Variants in CCDC88C observed in about 807,000 individuals in gnomAD.
CCDC88C encodes the protein coiled-coil and HOOK domain protein 88C.
Under a neutral mutation model 198.8 loss-of-function variants are expected in CCDC88C, and 131 were observed. The ratio of observed to expected loss-of-function variants is 0.66; its 90% confidence interval spans 0.57 to 0.76. CCDC88C has a LOEUF of 0.76. Ranked by LOEUF, CCDC88C falls within the 30% of genes least tolerant of loss-of-function variation. The pLI, the probability that CCDC88C is intolerant of heterozygous loss-of-function variation, is 0.00. For missense variants in CCDC88C, 2,553 were observed against 2,631.6 expected (o/e 0.97, Z 0.65); for synonymous variants, 1,166 against 1,114.7 (o/e 1.05, Z -0.92).
At chr14:91,292,702 G>A (rs974625551) in intron 23 of CCDC88C, among the ~76,000 whole-genome samples, 4 of 151,952 alleles carry the variant, frequency 2.6e-5, no homozygotes, top group Non-Finnish European at 4.4e-5. Context: ...ATGCCTGCCC[G>A]GACGCCAATA....
chr14:91,411,519 C>A (rs928873332), intron 2 of CCDC88C, among the ~76,000 whole-genome samples: 4 of 152,086 alleles, frequency 2.6e-5, no homozygotes, highest in African/African-American at 7.2e-5. Context: ...TATGATAGTC[C>A]TAAAACTTAA....
At chr14:91,368,425 G>A (rs901311459) in intron 3 of CCDC88C, among the ~76,000 whole-genome samples, 4 of 152,238 alleles carry the variant, frequency 2.6e-5, no homozygotes, top group Non-Finnish European at 5.9e-5. Flanking sequence ...ACATTCCAAA[G>A]TGAACTGGTA....
chr14:91,283,360 G>T lies in CCDC88C; in HGVS notation c.4599C>A (p.Thr1533=). The T allele has an allele frequency of 6.2e-7, 1 of 1,613,818 alleles. No homozygotes were observed. The highest frequency in any genetic ancestry group is 8.5e-7 in the Non-Finnish European group (1 of 1,179,874). ...SATTTAPSNS[T]PIARHPGRTK... ...TGCGGCCTGGGTGCCGGGCGATGGGGGTGGAGTTGGAAGGGGCTGTAGTGG... is the reference window on the plus strand; with the variant it reads ...TGCGGCCTGGGTGCCGGGCGATGGGTGTGGAGTTGGAAGGGGCTGTAGTGG... Residue 1533 remains threonine, a synonymous_variant, in exon 26 of 30, where the codon ACC becomes ACA. Coordinates refer to ENST00000389857, the MANE Select transcript of CCDC88C (RefSeq NM_001080414.4).
At chr14:91,399,021 C>G (rs1463882169) in intron 3 of CCDC88C, among the ~76,000 whole-genome samples, 2 of 152,302 alleles carry the variant, frequency 1.3e-5, no homozygotes, top group South Asian at 2.1e-4. Flanking sequence ...GGGTTCTCCT[C>G]TCTGCGGACC....
intron 3 of CCDC88C, among the ~76,000 whole-genome samples, chr14:91,405,054 T>C (rs2140007673): frequency 6.6e-6 from 1 of 152,096 alleles, no homozygotes. Flanking sequence ...GCGGAGAATC[T>C]GCCTTAGACC....
At chr14:91,370,206 T>C (rs886567226) in intron 3 of CCDC88C, among the ~76,000 whole-genome samples, 2 of 152,164 alleles carry the variant, frequency 1.3e-5, no homozygotes, top group Admixed American at 6.5e-5. Flanking sequence ...CCCTCATCTG[T>C]ACCAGGATCA....
At chr14:91,296,963 C>T (rs1162891469) in intron 22 of CCDC88C, among the ~76,000 whole-genome samples, 1 of 152,210 alleles carries the variant, frequency 6.6e-6, no homozygotes, top group Non-Finnish European at 1.5e-5. Flanking sequence ...CACACCACTT[C>T]TCTAGGACAG....
intron 3 of CCDC88C, 47 bp downstream of exon 3, chr14:91,408,609 CGAT>C (rs777916639): frequency 8.6e-7 from 1 of 1,169,484 alleles, no homozygotes; most frequent in Non-Finnish European, 1.3e-6. Context: ...GTGACAGTGA[CGAT>C]ACTGATGGAC....
chr14:91,309,907 C>T lies in CCDC88C; in HGVS notation c.2816G>A (p.Gly939Asp). 1 of 1,610,956 alleles carries T rather than the reference C, an allele frequency of 6.2e-7. No homozygotes were observed. ...DKLSQELEKV[G>D]LNRELLLQED... ...CTGCAACAGCAGCTCCCTGTTGAGG[C>T]CGACCTTCTCCAGTTCCTGGCTCAG... The change falls in exon 16 of 30, where the codon GGC (glycine) becomes GAC (aspartate). Residue 939 changes from glycine to aspartate, a missense_variant. Coordinates refer to ENST00000389857, the MANE Select transcript of CCDC88C (RefSeq NM_001080414.4).
intron 20 of CCDC88C, among the ~76,000 whole-genome samples, chr14:91,302,522 A>T (rs141618698): frequency 6.6e-6 from 1 of 152,336 alleles, no homozygotes; most frequent in Non-Finnish European, 1.5e-5. Context: ...ACAGAATCCC[A>T]GCCCAGATTG....
At chr14:91,364,750 A>G (rs564651274) in intron 3 of CCDC88C, among the ~76,000 whole-genome samples, 1 of 152,302 alleles carries the variant, frequency 6.6e-6, no homozygotes, top group African/African-American at 2.4e-5. Flanking sequence ...GATCACAGGA[A>G]GCAAACTGAA....
intron 20 of CCDC88C, among the ~76,000 whole-genome samples, chr14:91,302,750 T>C (rs1330372670): frequency 6.6e-6 from 1 of 152,110 alleles, no homozygotes; most frequent in Non-Finnish European, 1.5e-5. Context: ...CCTTTCTATA[T>C]GTTCGGAAGT....
intron 19 of CCDC88C, 32 bp downstream of exon 19, chr14:91,305,733 T>C (rs767181727): frequency 2.5e-6 from 4 of 1,583,728 alleles, no homozygotes; most frequent in Middle Eastern, 1.7e-4. Context: ...CCCGCCAGGC[T>C]TGTGACCACT....
chr14:91,273,736 G>A lies in CCDC88C; in HGVS notation c.5059-83C>T, dbSNP rs1019413085. 12 of 1,254,254 alleles carry A rather than the reference G, an allele frequency of 9.6e-6. No homozygotes were observed. The highest frequency in any genetic ancestry group is 2.1e-4 in the Middle Eastern group (1 of 4,770). 77.7% of individuals were successfully genotyped at this position (1,254,254 alleles called of 1,614,324 possible). ...GCCGCCTCCTGCGCGGGACGCCCCC[G>A]AGCAGCCCACGTGGCTGGGACCGCA... On this transcript the variant is annotated intron_variant, in intron 29 of 29. Transcript: ENST00000389857. This position sits in a 1 kb window ranked among gnomAD's most constrained non-coding sequence, Gnocchi z 5.6.
At chr14:91,401,290 A>G (rs1051202593) in intron 3 of CCDC88C, among the ~76,000 whole-genome samples, 2 of 109,628 alleles carry the variant, frequency 1.8e-5, no homozygotes, top group African/African-American at 3.0e-5. Flanking sequence ...TATTATATAC[A>G]TTATATATTA....
intron 1 of CCDC88C, chr14:91,417,281 CT>C: frequency 1.5e-6 from 1 of 683,174 alleles, no homozygotes; most frequent in East Asian, 2.7e-5. Flanking sequence ...GAATGGGGTC[CT>C]TTTCGGGAGT....
Position 91,323,955 on chromosome 14 carries a change from T to A in CCDC88C, c.1342+824A>T, listed in dbSNP as rs1270503252. 2.0e-5 allele frequency among the ~76,000 whole-genome samples: 3 copies of A among 152,258 alleles called. 1 individual carries two copies. Among genetic ancestry groups the A allele is most frequent in the Admixed American group, 2.0e-4 (3 of 15,290 alleles). On this transcript the variant is annotated intron_variant, in intron 12 of 29. Transcript: ENST00000389857. ...CAAATGCAAGAAATATTCACCTGTT[T>A]CCAATAACCTTTCCAGAATGCTTAG...
chr14:91,416,024 A>G (rs1381683747), intron 2 of CCDC88C, among the ~76,000 whole-genome samples: 1 of 152,314 alleles, frequency 6.6e-6, no homozygotes, highest in Middle Eastern at 3.4e-3. Context: ...AGTTTGAGTT[A>G]AAAACAGAAT....
At chr14:91,316,825 C>G (rs1177265952) in intron 13 of CCDC88C, among the ~76,000 whole-genome samples, 1 of 152,224 alleles carries the variant, frequency 6.6e-6, no homozygotes, top group Non-Finnish European at 1.5e-5. Flanking sequence ...TTGTCCTATA[C>G]TCCGGTCCAT....
Sources: gnomAD v4.1 joint callset for allele counts (sites outside exome capture counted in the v4.1 genomes callset) on GRCh38, gnomAD v4.1.1 for gene constraint, Gnocchi (gnomAD v3.1) non-coding constraint, MANE v1.5 for transcripts, NCBI Gene and HGNC (gene_info 2026-07-23, HGNC 2026-07-21) for gene names.